GABRA3: variants seen among roughly 807,000 people sequenced by gnomAD.
GABRA3 encodes the protein gamma-aminobutyric acid type A receptor subunit alpha3, also known as gamma-aminobutyric acid receptor subunit alpha-3.
Under a neutral mutation model 30.1 loss-of-function variants are expected in GABRA3, and 10 were observed. That is an observed-to-expected ratio of 0.33 (90% CI 0.20 to 0.56). GABRA3 has a LOEUF of 0.56. Ranked by LOEUF, GABRA3 falls within the 20% of genes least tolerant of loss-of-function variation. The pLI is 0.89. For missense variants in GABRA3, 233 were observed against 392.0 expected (o/e 0.59, Z 3.42); for synonymous variants, 151 against 146.8 (o/e 1.03, Z -0.21).
At chrX:152,225,206 T>A (rs1365587348) in intron 5 of GABRA3, among the ~76,000 whole-genome samples, 3 of 110,400 alleles carry the variant, frequency 2.7e-5, no homozygotes. Context: ...TTCCGAAATA[T>A]TTCTTCTCAG....
chrX:152,408,334 C>T (rs1929984828), intron 1 of GABRA3, among the ~76,000 whole-genome samples: 3 of 110,683 alleles, frequency 2.7e-5, no homozygotes, highest in South Asian at 3.8e-4. Context: ...AAAGATTCTA[C>T]CAAAAAAAAC....
At chrX:152,172,891 T>C (rs539153004) in intron 9 of GABRA3, among the ~76,000 whole-genome samples, 1 of 110,291 alleles carries the variant, frequency 9.1e-6, no homozygotes, top group East Asian at 2.9e-4. Flanking sequence ...TGAATGTATT[T>C]AACAGGACTG....
intron 5 of GABRA3, among the ~76,000 whole-genome samples, chrX:152,225,795 T>C (rs187350845): frequency 1.8e-5 from 2 of 110,249 alleles, no homozygotes; most frequent in Non-Finnish European, 3.8e-5. Flanking sequence ...CTAGCCGTCA[T>C]GAGCTACTTC....
chrX:152,270,924 A>T (rs1268646150), intron 4 of GABRA3, among the ~76,000 whole-genome samples: 1 of 108,022 alleles, frequency 9.3e-6, no homozygotes, highest in Non-Finnish European at 1.9e-5. Flanking sequence ...GCCTGAGAAG[A>T]CAGGAACATG....
intron 1 of GABRA3, among the ~76,000 whole-genome samples, chrX:152,407,220 A>G (rs1301976150): frequency 8.9e-6 from 1 of 111,797 alleles, no homozygotes; most frequent in African/African-American, 3.2e-5. Flanking sequence ...GAAGAAAGGA[A>G]ATAATAAAGA....
At chrX:152,225,394 C>CCACA (rs1415731707) in intron 5 of GABRA3, among the ~76,000 whole-genome samples, 1 of 89,670 alleles carries the variant, frequency 1.1e-5, no homozygotes, top group Non-Finnish European at 2.1e-5. Context: ...CACACATACA[C>CCACA]CACACACACG....
At position 152,270,514 on chromosome X, in the gene GABRA3, C is replaced by T. The variant is rs139415074; in HGVS notation, c.330+14154G>A. 9.4e-3 allele frequency among the ~76,000 whole-genome samples: 1,045 copies of T among 111,034 alleles called. 16 individuals are homozygous for T. The highest frequency in any genetic ancestry group is 0.071 in the East Asian group (248 of 3,489). The stretch of plus-strand genomic sequence containing the variant: ...ATACCTGAAAATCTGGAAGCAACTT[C>T]GGGACTGGATAACAGGCAGAAGGTG... On this transcript the variant is annotated intron_variant, in intron 4 of 9. Transcript: ENST00000370314.
chrX:152,183,322 C>A (rs1937210721), intron 9 of GABRA3, among the ~76,000 whole-genome samples: 1 of 110,386 alleles, frequency 9.1e-6, no homozygotes, highest in Non-Finnish European at 1.9e-5. Context: ...TCTATTATTT[C>A]TAGATTATCA....
chrX:152,208,641 T>C (rs1193845509), intron 6 of GABRA3, among the ~76,000 whole-genome samples: 1 of 106,952 alleles, frequency 9.3e-6, no homozygotes, highest in African/African-American at 3.6e-5. Context: ...TCCTCACAAA[T>C]GGCTTGGTGA....
At chrX:152,302,231 C>T (rs374150425) in intron 3 of GABRA3, among the ~76,000 whole-genome samples, 11 of 109,797 alleles carry the variant, frequency 1.0e-4, no homozygotes, top group East Asian at 5.7e-4. Context: ...GATCTAAACA[C>T]GCCAATTAAA....
intron 4 of GABRA3, among the ~76,000 whole-genome samples, chrX:152,271,928 T>C (rs1938947462): frequency 2.7e-5 from 3 of 111,824 alleles, no homozygotes; most frequent in Non-Finnish European, 5.6e-5. Flanking sequence ...CAGAAGTCAA[T>C]AATTGAGGTT....
chrX:152,281,450 T>C (rs2124437002), intron 4 of GABRA3, among the ~76,000 whole-genome samples: 1 of 112,046 alleles, frequency 8.9e-6, no homozygotes, highest in Admixed American at 9.5e-5. Flanking sequence ...CTCAATTTGT[T>C]GCAAATGAAT....
chrX:152,382,679 T>C (rs1929178780), intron 1 of GABRA3, among the ~76,000 whole-genome samples: 1 of 111,875 alleles, frequency 8.9e-6, no homozygotes, highest in Admixed American at 9.5e-5. Context: ...TCTAATCTAT[T>C]GGAGCTGATT....
intron 9 of GABRA3, among the ~76,000 whole-genome samples, chrX:152,168,926 G>A (rs746460917): frequency 1.8e-5 from 2 of 112,088 alleles, no homozygotes; most frequent in South Asian, 7.5e-4. Flanking sequence ...TGGAATGTTG[G>A]TCACATGTGG....
chrX:152,189,491 A>C (rs1937296018), intron 9 of GABRA3, among the ~76,000 whole-genome samples: 1 of 111,628 alleles, frequency 9.0e-6, no homozygotes, highest in African/African-American at 3.3e-5. Context: ...TAGCAGCATC[A>C]CATTTAGGTT....
chrX:152,384,417 G>A (rs1175413136), intron 1 of GABRA3, among the ~76,000 whole-genome samples: 1 of 111,918 alleles, frequency 8.9e-6, no homozygotes, highest in Non-Finnish European at 1.9e-5. Flanking sequence ...GGTGCCAGAA[G>A]AGATAAACAA....
intron 3 of GABRA3, among the ~76,000 whole-genome samples, chrX:152,335,125 C>T (rs1416654905): frequency 9.0e-6 from 1 of 111,522 alleles, no homozygotes; most frequent in Non-Finnish European, 1.9e-5. Context: ...GTACTGTGGC[C>T]TCAAGTTCTC....
At chrX:152,179,670 A>AT (rs1156520899) in intron 9 of GABRA3, among the ~76,000 whole-genome samples, 1 of 109,404 alleles carries the variant, frequency 9.1e-6, no homozygotes, top group Admixed American at 9.8e-5. Flanking sequence ...AATTTTTTGT[A>AT]TTTTTAGTAG....
At chrX:152,364,355 GA>G in intron 2 of GABRA3, 75 bp downstream of exon 2, 1 of 1,013,531 alleles carries the variant, frequency 9.9e-7, no homozygotes, top group Non-Finnish European at 1.3e-6. Context: ...TCATCTGGGG[GA>G]AAACATCAGA....
Sources: gnomAD v4.1 joint callset for allele counts (sites outside exome capture counted in the v4.1 genomes callset) on GRCh38, gnomAD v4.1.1 for gene constraint, MANE v1.5 for transcripts, NCBI Gene and HGNC (gene_info 2026-07-23, HGNC 2026-07-21) for gene names.